The following ZNF184 variants were observed in gnomAD, a reference collection of about 807,000 sequenced individuals.
ZNF184 encodes zinc finger protein 184 (Kruppel-like).
ZNF184 carries 16 observed loss-of-function variants against 54.4 expected under a neutral mutation model. That is an observed-to-expected ratio of 0.29 (90% CI 0.20 to 0.45). The LOEUF is 0.45. Among genes scored for constraint, ZNF184 ranks in the 20% least tolerant of loss-of-function variants. ZNF184 has a pLI of 1.00. For missense variants in ZNF184, 681 were observed against 888.2 expected, an observed-to-expected ratio of 0.77 and a Z score of 2.97; for synonymous variants, 254 against 295.3, an observed-to-expected ratio of 0.86 and a Z score of 1.43.
the ZNF184 span, among the ~76,000 whole-genome samples, chr6:27,427,121 A>AAAAAAC: frequency 2.0e-5 from 3 of 150,890 alleles, no homozygotes; most frequent in Non-Finnish European, 1.5e-5. Flanking sequence ...CTATGTAAAA[A>AAAAAAC]AAAAAAAAAA....
downstream of ZNF184, among the ~76,000 whole-genome samples, chr6:27,448,493 C>T (rs1762663219): frequency 6.6e-6 from 1 of 152,204 alleles, no homozygotes; most frequent in South Asian, 2.1e-4. Flanking sequence ...CAATGACTTG[C>T]CATCTCATTC....
chr6:27,406,445 A>T, the ZNF184 span: 1 of 152,240 alleles, frequency 6.6e-6, no homozygotes, highest in Non-Finnish European at 1.5e-5. Context: ...CTGGAAACTT[A>T]TCCGGGTCCA....
At chr6:27,428,023 A>T in the ZNF184 span, among the ~76,000 whole-genome samples, 4 of 152,196 alleles carry the variant, frequency 2.6e-5, no homozygotes, top group Non-Finnish European at 5.9e-5. This position sits in a 1 kb window ranked among gnomAD's most constrained non-coding sequence, Gnocchi z 4.1. Flanking sequence ...CTATCTCTGA[A>T]ATATCTCCTC....
At chr6:27,415,944 G>T in the ZNF184 span, among the ~76,000 whole-genome samples, 1 of 152,192 alleles carries the variant, frequency 6.6e-6, no homozygotes, top group Non-Finnish European at 1.5e-5. Context: ...GATGCTTCCT[G>T]CTGATGGCTC....
intron 4 of ZNF184, 50 bp from the exon 5 acceptor site, chr6:27,456,971 C>T (rs1380183590): frequency 6.6e-7 from 1 of 1,504,644 alleles, no homozygotes; most frequent in Admixed American, 1.8e-5. Context: ...GGGAAAGTAC[C>T]ATATCAGAAT....
At chr6:27,414,332 C>T in the ZNF184 span, among the ~76,000 whole-genome samples, 2 of 152,264 alleles carry the variant, frequency 1.3e-5, no homozygotes, top group African/African-American at 2.4e-5. Flanking sequence ...TTTAATTGTT[C>T]GTTAAATCAT....
the ZNF184 span, among the ~76,000 whole-genome samples, chr6:27,442,863 AAAG>A: frequency 1.7e-3 from 126 of 72,020 alleles, 10 homozygotes; most frequent in Middle Eastern, 0.028. Context: ...AGAAAGAAAG[AAAG>A]AAAGAAAGAA....
chr6:27,452,713 C>T lies in ZNF184; in HGVS notation c.846G>A (p.Gln282=), dbSNP rs187063508. The change falls in exon 6 of 6, where the codon CAG becomes CAA. Residue 282 remains glutamine (Q), a synonymous_variant. Transcript: ENST00000683788. The surrounding 1 kb of genome is among the most constrained non-coding windows in gnomAD (Gnocchi z 5.5). ...HTGDKPYKCD[Q]CGKGFIEGPS... ...GACCCTCAATGAAGCCTTTTCCACA[C>T]TGATCACATTTATATGGTTTATCTC... is the stretch of plus-strand genomic sequence containing the variant. The T allele has an allele frequency of 4.3e-5, 70 of 1,614,076 alleles. No homozygotes were observed. Among genetic ancestry groups the T allele is most frequent in the Non-Finnish European group, 5.3e-5 (63 of 1,180,020 alleles).
chr6:27,420,909 G>A, the ZNF184 span, among the ~76,000 whole-genome samples: 2 of 152,164 alleles, frequency 1.3e-5, no homozygotes. Flanking sequence ...ATTATTCAGT[G>A]CTAAAAAGAA....
At position 27,451,966 on chromosome 6, in the gene ZNF184, T is replaced by G. The variant is rs781163256; in HGVS notation, c.1593A>C (p.Glu531Asp). ...TAAAAGCTTTCCCACATTCTTTACATTCATAAGCTTTCTCTTGAGTATGAG... is the reference window on the plus strand; with the variant it reads ...TAAAAGCTTTCCCACATTCTTTACAGTCATAAGCTTTCTCTTGAGTATGAG... ...QKTHTQEKAY[E>D]CKECGKAFIR... Residue 531 changes from glutamate to aspartate, a missense_variant, in exon 6 of 6, where the codon GAA (glutamate) becomes GAC (aspartate). Physicochemically the swap from Glu to Asp is conservative, Grantham distance 45 (BLOSUM62 2). Transcript: ENST00000683788. 9 of 1,613,622 alleles carry G rather than the reference T, an allele frequency of 5.6e-6. No individual in the cohort carries two copies. In the South Asian group the frequency reaches 8.8e-5, roughly 16 times the overall value.
rs1762716596 is a variant in ZNF184 at position 27,451,446 on chromosome 6, T to C, written c.2113A>G (p.Lys705Glu). Residue 705 changes from lysine to glutamate, a missense_variant, in exon 6 of 6, where the codon AAG (lysine) becomes GAG (glutamate). Physicochemically the swap from Lys to Glu is moderately conservative, Grantham distance 56 (BLOSUM62 1). Coordinates refer to ENST00000683788, the MANE Select transcript of ZNF184 (RefSeq NM_001318891.2). ...EKPYNCNECR[K>E]TFSQSTYLIQ... Reference sequence around the variant, plus strand: ...AGATATGTGCTCTGGCTAAAAGTCTTTCTGCATTCATTACAGTTATAAGGT... The same window carrying C: ...AGATATGTGCTCTGGCTAAAAGTCTCTCTGCATTCATTACAGTTATAAGGT... 1.2e-6 allele frequency: 2 copies of C among 1,614,030 alleles called. No individual in the cohort carries two copies. Among genetic ancestry groups the C allele is most frequent in the South Asian group, 2.2e-5 (2 of 91,090 alleles).
Position 27,452,750 on chromosome 6 carries a change from C to G in ZNF184, c.809G>C (p.Arg270Thr). 1.2e-6 allele frequency: 2 copies of G among 1,613,916 alleles called. No homozygotes were observed. The highest frequency in any genetic ancestry group is 1.7e-6 in the Non-Finnish European group (2 of 1,179,974). The change falls in exon 6 of 6, where the codon AGA (arginine) becomes ACA (threonine). Residue 270 changes from arginine to threonine, a missense_variant. By Grantham distance (71) the Arg-to-Thr change is moderately conservative (BLOSUM62 -1). Transcript: ENST00000683788. The surrounding 1 kb of genome is among the most constrained non-coding windows in gnomAD (Gnocchi z 5.5). The stretch of plus-strand genomic sequence containing the variant: ...ATATGGTTTATCTCCAGTATGAATT[C>G]TTTGATGGTTTATAAGGTTTTCACT... ...SRSENLINHQ[R>T]IHTGDKPYKC...
At chr6:27,445,034 A>G in the ZNF184 span, among the ~76,000 whole-genome samples, 4 of 152,326 alleles carry the variant, frequency 2.6e-5, no homozygotes, top group South Asian at 2.1e-4. Context: ...TCTTTGGCAA[A>G]ACATTTGTCA....
chr6:27,440,135 C>T, the ZNF184 span, among the ~76,000 whole-genome samples: 1 of 152,144 alleles, frequency 6.6e-6, no homozygotes, highest in African/African-American at 2.4e-5. Context: ...GTTAAAGAAA[C>T]ACGTTTTTGG....
At chr6:27,466,025 G>A (rs78862965) in intron 3 of ZNF184, among the ~76,000 whole-genome samples, 2,580 of 152,220 alleles carry the variant, frequency 0.017, 55 homozygotes, top group African/African-American at 0.053. Flanking sequence ...CCTTGAGTGG[G>A]GAAATTATTC....
chr6:27,405,629 A>C, the ZNF184 span: 1 of 152,248 alleles, frequency 6.6e-6, no homozygotes, highest in Non-Finnish European at 1.5e-5. Flanking sequence ...TGCTCTAAGT[A>C]GGTGCCCCAC....
At chr6:27,412,812 T>A in the ZNF184 span, among the ~76,000 whole-genome samples, 1 of 152,204 alleles carries the variant, frequency 6.6e-6, no homozygotes, top group African/African-American at 2.4e-5. Flanking sequence ...AGTTTGAGGC[T>A]TCAGTGAGCT....
chr6:27,410,724 G>A, the ZNF184 span, among the ~76,000 whole-genome samples: 1 of 152,138 alleles, frequency 6.6e-6, no homozygotes, highest in Admixed American at 6.5e-5. Context: ...TAGAGACGGG[G>A]TTTCAGCATG....
the ZNF184 span, chr6:27,406,567 ACCAACTGCAGCAGGTACT>A: frequency 6.6e-6 from 1 of 152,238 alleles, no homozygotes; most frequent in Non-Finnish European, 1.5e-5. Flanking sequence ...TTATACTTCC[ACCAACTGCAGCAGGTACT>A]CTTTGAACTG....
Sources: allele counts gnomAD v4.1 joint callset (sites outside exome capture counted in the v4.1 genomes callset), GRCh38; gene constraint gnomAD v4.1.1; non-coding constraint Gnocchi (gnomAD v3.1); transcripts MANE v1.5; gene names NCBI Gene and HGNC (gene_info 2026-07-23, HGNC 2026-07-21).